Variants in MAPK4 observed in about 807,000 individuals in gnomAD.
MAPK4 encodes mitogen-activated protein kinase 4.
In MAPK4, 22 loss-of-function variants were observed where a neutral mutation model predicts 47.7. That is an observed-to-expected ratio of 0.46 (90% CI 0.33 to 0.66). The LOEUF is 0.66. MAPK4 is among the 30% of genes least tolerant of loss of function. The probability of loss-of-function intolerance (pLI) is 0.02; values close to 1 mark genes in which losing one functional copy is unlikely to be tolerated. For missense variants in MAPK4, 736 were observed against 831.7 expected (o/e 0.88, Z 1.42); for synonymous variants, 390 against 365.7 (o/e 1.07, Z -0.76).
chr18:50,641,267 A>G (rs1052267042), intron 1 of MAPK4, among the ~76,000 whole-genome samples: 2 of 152,174 alleles, frequency 1.3e-5, no homozygotes, highest in Admixed American at 6.5e-5. Flanking sequence ...CTGTCACTAA[A>G]TCCTGATGGG....
intron 1 of MAPK4, among the ~76,000 whole-genome samples, chr18:50,658,369 G>A (rs1317727763): frequency 6.6e-6 from 1 of 152,204 alleles, no homozygotes; most frequent in Non-Finnish European, 1.5e-5. Context: ...GGCGATTAGA[G>A]CGTGAGTGTT....
At chr18:50,718,032 C>T (rs973857068) in intron 3 of MAPK4, among the ~76,000 whole-genome samples, 2 of 152,178 alleles carry the variant, frequency 1.3e-5, no homozygotes, top group East Asian at 3.8e-4. Flanking sequence ...GGTCTTGAGA[C>T]AGAATTTTAG....
chr18:50,683,455 T>TGTGTGTGTGTGTGTGTGTGG (rs1444521661), intron 2 of MAPK4, among the ~76,000 whole-genome samples: 8 of 98,128 alleles, frequency 8.2e-5, no homozygotes, highest in African/African-American at 3.1e-4. Flanking sequence ...GGTGATGGGG[T>TGTGTGTGTGTGTGTGTGTGG]GTGTGTGTGT....
chr18:50,673,825 C>T (rs926778687), intron 2 of MAPK4, among the ~76,000 whole-genome samples: 2 of 152,180 alleles, frequency 1.3e-5, no homozygotes, highest in African/African-American at 4.8e-5. Flanking sequence ...CACTGCACTC[C>T]AGCCTGGGCG....
In MAPK4 at chr18:50,729,087, G is replaced by A. The variant is rs562359887; in HGVS notation, c.1068-71G>A. On this transcript the variant is annotated intron_variant, in intron 5 of 5. Coordinates refer to ENST00000400384, the MANE Select transcript of MAPK4 (RefSeq NM_002747.4). ...GTGTGTGAGTGGCAAACAGGGATTA[G>A]AGGGCTTGGCTCCCTCCCGGAAGCT... 49 of 1,342,832 alleles carry A rather than the reference G, an allele frequency of 3.6e-5. No homozygotes were observed. In the African/African-American group the frequency reaches 6.5e-4, roughly 18 times the overall value. The allele number at this position is 1,342,832 out of a possible 1,614,324, so 83.2% of individuals were successfully genotyped here. A position where few individuals can be genotyped will look rare whatever the true frequency, so the allele number is the denominator to read the frequency against.
intron 1 of MAPK4, among the ~76,000 whole-genome samples, chr18:50,608,044 A>G (rs898636606): frequency 2.6e-5 from 4 of 152,210 alleles, no homozygotes; most frequent in Non-Finnish European, 5.9e-5. Context: ...AATTTTTTCA[A>G]TAAAATTATA....
At chr18:50,695,868 A>C (rs1452637135) in intron 2 of MAPK4, among the ~76,000 whole-genome samples, 1 of 152,246 alleles carries the variant, frequency 6.6e-6, no homozygotes, top group Non-Finnish European at 1.5e-5. Flanking sequence ...TTTCTGTTTC[A>C]TTCTGACAGC....
intron 1 of MAPK4, among the ~76,000 whole-genome samples, chr18:50,619,378 C>T (rs1446556611): frequency 6.6e-6 from 1 of 152,152 alleles, no homozygotes; most frequent in African/African-American, 2.4e-5. Context: ...GTGGTGATAC[C>T]ACATAGCTCA....
At chr18:50,620,018 T>C (rs2042717974) in intron 1 of MAPK4, among the ~76,000 whole-genome samples, 1 of 152,218 alleles carries the variant, frequency 6.6e-6, no homozygotes, top group African/African-American at 2.4e-5. Flanking sequence ...ACTTCTTTAT[T>C]TGGGTTGGCA....
At chr18:50,575,954 C>A (rs1223393428) in intron 1 of MAPK4, among the ~76,000 whole-genome samples, 1 of 152,162 alleles carries the variant, frequency 6.6e-6, no homozygotes, top group Non-Finnish European at 1.5e-5. Flanking sequence ...TACCACCTCA[C>A]ACCAGTCAGA....
In MAPK4 at chr18:50,729,182, C is replaced by T; in HGVS notation, c.1092C>T (p.Asp364=). Residue 364 remains aspartate, a synonymous_variant, in exon 6 of 6, where the codon GAC becomes GAT. Coordinates refer to ENST00000400384, the MANE Select transcript of MAPK4 (RefSeq NM_002747.4). ...GGTACCCTGTGAGCCTGTCGTCGGACCTGGAGTGGCGGCCTGACCGGTGCC... is the reference window on the plus strand; with the variant it reads ...GGTACCCTGTGAGCCTGTCGTCGGATCTGGAGTGGCGGCCTGACCGGTGCC... ...SSRYPVSLSS[D]LEWRPDRCQD... 6.3e-7 allele frequency: 1 copy of T among 1,588,530 alleles called. No individual in the cohort carries two copies. The highest frequency in any genetic ancestry group is 1.1e-5 in the South Asian group (1 of 89,582).
chr18:50,615,772 G>T (rs574755865), intron 1 of MAPK4, among the ~76,000 whole-genome samples: 4 of 152,234 alleles, frequency 2.6e-5, no homozygotes, highest in East Asian at 1.9e-4. Context: ...CCCAAGTTCA[G>T]TTCTGCTTTT....
intron 1 of MAPK4, among the ~76,000 whole-genome samples, chr18:50,656,224 C>T (rs1389373464): frequency 6.6e-6 from 1 of 152,190 alleles, no homozygotes; most frequent in East Asian, 1.9e-4. Context: ...ACATTTATTA[C>T]CACGCAGCTC....
intron 2 of MAPK4, among the ~76,000 whole-genome samples, chr18:50,676,128 T>A (rs1278817353): frequency 1.3e-5 from 2 of 152,206 alleles, no homozygotes; most frequent in African/African-American, 4.8e-5. Context: ...ATGGTTGATC[T>A]TTTTTTAGCC....
intron 1 of MAPK4, among the ~76,000 whole-genome samples, chr18:50,614,063 A>T (rs2149378740): frequency 6.6e-6 from 1 of 152,332 alleles, no homozygotes; most frequent in African/African-American, 2.4e-5. Context: ...GAAAGTTGGC[A>T]AAATGTTAAA....
At chr18:50,579,898 A>C (rs1229037639) in intron 1 of MAPK4, among the ~76,000 whole-genome samples, 3 of 152,240 alleles carry the variant, frequency 2.0e-5, no homozygotes, top group African/African-American at 7.2e-5. Context: ...GTGAGTTCTC[A>C]TCCATTCCTG....
At chr18:50,681,840 T>G (rs545691084) in intron 2 of MAPK4, among the ~76,000 whole-genome samples, 2 of 152,346 alleles carry the variant, frequency 1.3e-5, no homozygotes, top group South Asian at 4.1e-4. Context: ...TCAGGAAGTA[T>G]GAATACTCCA....
chr18:50,721,677 C>T (rs1910941609), intron 3 of MAPK4, among the ~76,000 whole-genome samples: 3 of 152,214 alleles, frequency 2.0e-5, no homozygotes, highest in Admixed American at 1.3e-4. Flanking sequence ...GTCTGAGACA[C>T]AGAATGCTAG....
At chr18:50,569,595 A>G (rs1407229963) in intron 1 of MAPK4, among the ~76,000 whole-genome samples, 2 of 152,254 alleles carry the variant, frequency 1.3e-5, no homozygotes, top group East Asian at 1.9e-4. Flanking sequence ...CTTAGTTTCC[A>G]TTTCTGGTTG....
Sources: gnomAD v4.1 joint callset for allele counts (sites outside exome capture counted in the v4.1 genomes callset) on GRCh38, gnomAD v4.1.1 for gene constraint, MANE v1.5 for transcripts, NCBI Gene and HGNC (gene_info 2026-07-23, HGNC 2026-07-21) for gene names.